POF1B: variants seen among roughly 807,000 people sequenced by gnomAD.
POF1B encodes POF1B actin binding protein.
In POF1B, 53 loss-of-function variants were observed where a neutral mutation model predicts 55.3. The observed-to-expected ratio is 0.96, with a 90% confidence interval of 0.77 to 1.20. The LOEUF is 1.20. POF1B is among the 50% of genes most tolerant of loss of function. The pLI, the probability that POF1B is intolerant of heterozygous loss-of-function variation, is 0.00. For synonymous variants in POF1B, 188 were observed against 148.3 expected (o/e 1.27, Z -1.95); for missense variants, 478 against 420.5 (o/e 1.14, Z -1.20).
At chrX:85,360,527 G>GTATATATATATATATATATATATATA (rs142665633) in intron 3 of POF1B, among the ~76,000 whole-genome samples, 2 of 58,537 alleles carry the variant, frequency 3.4e-5, no homozygotes, top group African/African-American at 2.1e-4. Context: ...TCCATGGTAT[G>GTATATATATATATATATATATATATA]TATATATATA....
intron 7 of POF1B, among the ~76,000 whole-genome samples, chrX:85,322,256 A>G (rs1043718429): frequency 7.2e-5 from 8 of 111,252 alleles, no homozygotes; most frequent in South Asian, 7.7e-4. Context: ...ATATAGATCA[A>G]TGGAACAGAA....
intron 6 of POF1B, among the ~76,000 whole-genome samples, chrX:85,342,768 C>T (rs1933196118): frequency 9.0e-6 from 1 of 111,322 alleles, no homozygotes; most frequent in South Asian, 3.7e-4. Context: ...TATGTCTGCG[C>T]ATCACTCTTT....
At chrX:85,302,327 G>A in intron 15 of POF1B, among the ~76,000 whole-genome samples, 1 of 111,044 alleles carries the variant, frequency 9.0e-6, no homozygotes, top group Non-Finnish European at 1.9e-5. Flanking sequence ...TGGCCAATAA[G>A]CACATAAAAA....
At position 85,342,285 on chromosome X, in the gene POF1B, GA is replaced by G. The variant is rs757378047; in HGVS notation, c.723+3574del. Among the ~76,000 whole-genome samples, 383 of 111,626 alleles carry G rather than the reference GA, an allele frequency of 3.4e-3. 1 individual carries two copies. Among genetic ancestry groups the G allele is most frequent in the Non-Finnish European group, 4.4e-3 (231 of 52,818 alleles). On this transcript the variant is annotated intron_variant, in intron 6 of 16. Transcript: ENST00000262753. ...GTCACAGTTTTAGATATCTGATTTT[GA>G]AAAATATTTTTAATGCCTTTCACTT...
intron 3 of POF1B, among the ~76,000 whole-genome samples, chrX:85,360,654 G>A (rs939992901): frequency 9.5e-6 from 1 of 104,808 alleles, no homozygotes; most frequent in Non-Finnish European, 1.9e-5. Context: ...GAACATTCAT[G>A]TACATGTGTC....
At chrX:85,314,372 C>T (rs1932763951) in intron 9 of POF1B, 60 bp downstream of exon 9, 1 of 896,507 alleles carries the variant, frequency 1.1e-6, no homozygotes, top group Non-Finnish European at 1.5e-6. Context: ...TTAAGGGAAG[C>T]AACCTAGGAA....
chrX:85,359,385 T>C (rs363765), intron 4 of POF1B, among the ~76,000 whole-genome samples, 165 bp downstream of exon 4: 39,601 of 110,422 alleles, frequency 0.36, 7,327 homozygotes, highest in African/African-American at 0.72. Flanking sequence ...TCATGGTTGT[T>C]TGGCATTAAA....
intron 7 of POF1B, among the ~76,000 whole-genome samples, chrX:85,319,282 GT>G (rs1325909856): frequency 9.0e-5 from 10 of 111,366 alleles, no homozygotes; most frequent in African/African-American, 3.3e-4. Flanking sequence ...AGACTATGGA[GT>G]TTTCTAGGTA....
intron 15 of POF1B, among the ~76,000 whole-genome samples, chrX:85,295,585 G>A (rs1175035140): frequency 8.9e-6 from 1 of 111,741 alleles, no homozygotes; most frequent in Non-Finnish European, 1.9e-5. Flanking sequence ...TGTGGTCTGA[G>A]CATATGCTTG....
At chrX:85,285,067 TCACTGGCCATCAGAGAAATG>T (rs1932016889) in intron 15 of POF1B, among the ~76,000 whole-genome samples, 1 of 111,926 alleles carries the variant, frequency 8.9e-6, no homozygotes, top group African/African-American at 3.3e-5. Flanking sequence ...ATGCTCACCA[TCACTGGCCATCAGAGAAATG>T]CAAATTAAAA....
intron 5 of POF1B, among the ~76,000 whole-genome samples, chrX:85,349,865 C>T (rs1022199742): frequency 3.6e-5 from 4 of 110,605 alleles, no homozygotes; most frequent in African/African-American, 1.3e-4. Context: ...GAAACTAATA[C>T]AGTGCCCTAG....
intron 7 of POF1B, among the ~76,000 whole-genome samples, chrX:85,319,302 T>A (rs1209317422): frequency 9.0e-6 from 1 of 111,599 alleles, no homozygotes; most frequent in African/African-American, 3.3e-5. Flanking sequence ...TATAGAATCA[T>A]ATTGTCTGCA....
At position 85,379,402 on chromosome X, in the gene POF1B, T is replaced by C. The variant is rs1342270576; in HGVS notation, c.53A>G (p.Gln18Arg). Residue 18 changes from glutamine to arginine, a missense_variant, in exon 2 of 17, where the codon CAG (glutamine) becomes CGG (arginine). Physicochemically the swap from Gln to Arg is conservative, Grantham distance 43. Transcript: ENST00000262753. ...CTGGCACTGCAGCACCTCTGGGAGC[T>C]GCTGGGTTCCACAGCTGCTGCTGCT... is the stretch of plus-strand genomic sequence containing the variant. ...ETSSSSCGTQ[Q>R]LPEVLQCQPQ... is the part of the protein sequence containing the mutation. 3 of 1,210,013 alleles carry C rather than the reference T, an allele frequency of 2.5e-6. No homozygotes were observed. The highest frequency in any genetic ancestry group is 3.4e-6 in the Non-Finnish European group (3 of 895,031).
At chrX:85,309,662 C>T (rs1932655135) in intron 9 of POF1B, among the ~76,000 whole-genome samples, 1 of 111,254 alleles carries the variant, frequency 9.0e-6, no homozygotes, top group African/African-American at 3.3e-5. Flanking sequence ...AAAGGGTCAG[C>T]CTAGCAGGAC....
At chrX:85,371,470 G>C (rs1933820298) in intron 2 of POF1B, among the ~76,000 whole-genome samples, 1 of 111,109 alleles carries the variant, frequency 9.0e-6, no homozygotes, top group Admixed American at 9.6e-5. Flanking sequence ...ACATAAACAA[G>C]TGAAGTTAGA....
At chrX:85,355,340 A>G (rs1453955675) in intron 4 of POF1B, among the ~76,000 whole-genome samples, 1 of 112,086 alleles carries the variant, frequency 8.9e-6, no homozygotes, top group Non-Finnish European at 1.9e-5. Context: ...TGTTAGACCT[A>G]AAACCATAAA....
Position 85,315,708 on chromosome X carries a change from T to C in POF1B, c.881A>G (p.Glu294Gly). The change falls in exon 8 of 17, where the codon GAG (glutamate) becomes GGG (glycine). Residue 294 changes from glutamate to glycine, a missense_variant and splice_region_variant. Physicochemically the swap from Glu to Gly is moderately conservative, Grantham distance 98. Transcript: ENST00000262753. ...GSKQDFESTD[E>G]SEDIESLIPK... is the part of the protein sequence containing the mutation. ...ATTTTCAACTATCTTTGCACTTACC[T>C]CATCTGTAGACTCAAAGTCCTGTTT... The C allele has an allele frequency of 8.5e-7, 1 of 1,172,176 alleles. No homozygotes were observed. The highest frequency in any genetic ancestry group is 1.1e-6 in the Non-Finnish European group (1 of 878,004).
intron 15 of POF1B, among the ~76,000 whole-genome samples, chrX:85,285,777 G>A (rs942121515): frequency 8.1e-5 from 9 of 111,119 alleles, no homozygotes; most frequent in Non-Finnish European, 1.5e-4. Context: ...TTGTGCACAT[G>A]TACCCTAGAA....
At chrX:85,281,750 C>A (rs949393417) in intron 16 of POF1B, among the ~76,000 whole-genome samples, 3 of 107,377 alleles carry the variant, frequency 2.8e-5, no homozygotes, top group South Asian at 4.0e-4. Flanking sequence ...TATATAAAAT[C>A]CACAGGAATA....
Sources: allele counts gnomAD v4.1 joint callset (sites outside exome capture counted in the v4.1 genomes callset), GRCh38; gene constraint gnomAD v4.1.1; transcripts MANE v1.5; gene names NCBI Gene and HGNC (gene_info 2026-07-23, HGNC 2026-07-21).